WDPCP: variants seen among roughly 807,000 people sequenced by gnomAD.
The protein encoded by WDPCP is WD repeat containing planar cell polarity effector.
In WDPCP, 71 loss-of-function variants were observed where a neutral mutation model predicts 93.1. That is an observed-to-expected ratio of 0.76 (90% CI 0.63 to 0.93). WDPCP has a LOEUF of 0.93. WDPCP is among the 40% of genes least tolerant of loss of function. The pLI, the probability that WDPCP is intolerant of heterozygous loss-of-function variation, is 0.00. For missense variants in WDPCP, 844 were observed against 887.4 expected (o/e 0.95, Z 0.62); for synonymous variants, 315 against 315.0 (o/e 1.00, Z 0.00).
intron 12 of WDPCP, among the ~76,000 whole-genome samples, chr2:63,332,384 T>A (rs562239071): frequency 2.6e-5 from 4 of 152,190 alleles, no homozygotes; most frequent in Non-Finnish European, 5.9e-5. Context: ...TATATCCACA[T>A]CCTCCCCAGC....
chr2:63,598,538 C>CA (rs1369562277), intron 3 of WDPCP, among the ~76,000 whole-genome samples: 10 of 151,954 alleles, frequency 6.6e-5, no homozygotes, highest in Non-Finnish European at 1.5e-4. Context: ...TCCTATCTTT[C>CA]AAAAAAAGGT....
intron 14 of WDPCP, among the ~76,000 whole-genome samples, chr2:63,186,018 C>G (rs959937814): frequency 3.3e-5 from 5 of 152,080 alleles, no homozygotes; most frequent in Non-Finnish European, 7.4e-5. Context: ...AGGGTAGAAA[C>G]ACTGCTGCTG....
intron 9 of WDPCP, among the ~76,000 whole-genome samples, chr2:63,421,130 A>T (rs1415624914): frequency 6.6e-6 from 1 of 152,192 alleles, no homozygotes; most frequent in Non-Finnish European, 1.5e-5. Context: ...AAATAGTAGC[A>T]ATTGTTTTCA....
intron 3 of WDPCP, chr2:63,622,099 A>G: frequency 1.1e-6 from 1 of 870,880 alleles, no homozygotes; most frequent in Non-Finnish European, 1.4e-6. Context: ...GTTGATTTTT[A>G]ATGATAAAGT....
At chr2:63,722,856 G>T (rs1158428347) in intron 2 of WDPCP, among the ~76,000 whole-genome samples, 1 of 152,036 alleles carries the variant, frequency 6.6e-6, no homozygotes, top group Non-Finnish European at 1.5e-5. Context: ...GAGAAAGGTG[G>T]GGAAAAGATT....
chr2:63,274,509 T>C (rs1211683221), intron 13 of WDPCP, among the ~76,000 whole-genome samples: 1 of 151,814 alleles, frequency 6.6e-6, no homozygotes, highest in Admixed American at 6.6e-5. Context: ...TAGAGACTAA[T>C]AAATAACACA....
At chr2:63,496,712 C>G (rs1480338686) in intron 1 of WDPCP, among the ~76,000 whole-genome samples, 1 of 152,174 alleles carries the variant, frequency 6.6e-6, no homozygotes, top group East Asian at 1.9e-4. Context: ...AACAACACTG[C>G]TCTAGTTTCC....
chr2:63,350,760 G>A (rs1312765001), intron 12 of WDPCP, among the ~76,000 whole-genome samples: 1 of 151,864 alleles, frequency 6.6e-6, no homozygotes, highest in Non-Finnish European at 1.5e-5. Flanking sequence ...ATGTCTACTG[G>A]CAATTTGCAA....
intron 1 of WDPCP, among the ~76,000 whole-genome samples, chr2:63,564,936 C>A (rs937834741): frequency 6.6e-6 from 1 of 152,082 alleles, no homozygotes; most frequent in African/African-American, 2.4e-5. Context: ...TGCCACCATA[C>A]CTGGCTAATT....
rs370410017 is a variant in WDPCP at position 63,259,386 on chromosome 2, A to T, written c.1836T>A (p.Asp612Glu). The T allele has an allele frequency of 1.2e-6, 2 of 1,611,880 alleles. No individual in the cohort carries two copies. The highest frequency in any genetic ancestry group is 1.3e-5 in the African/African-American group (1 of 74,874). The change falls in exon 14 of 18, where the codon GAT becomes GAA. Residue 612 changes from aspartate to glutamate, a missense_variant. Coordinates refer to ENST00000272321, the MANE Select transcript of WDPCP (RefSeq NM_015910.7). ...CTTCAGCTAGTGCCAATTCACCTTTATCTAGTGCAAGGTAATGAATATCCT... is the reference window on the plus strand; with the variant it reads ...CTTCAGCTAGTGCCAATTCACCTTTTTCTAGTGCAAGGTAATGAATATCCT... ...LFMDIHYLAL[D>E]KGELALAEVA...
chr2:63,550,357 A>G (rs1705513296), intron 1 of WDPCP, among the ~76,000 whole-genome samples: 5 of 152,178 alleles, frequency 3.3e-5, no homozygotes, highest in Admixed American at 3.3e-4. Flanking sequence ...CCACAAAAGG[A>G]AACTGCTTTC....
chr2:63,395,428 T>C (rs1693634978), intron 10 of WDPCP, among the ~76,000 whole-genome samples: 1 of 152,196 alleles, frequency 6.6e-6, no homozygotes, highest in South Asian at 2.1e-4. Context: ...TACGCCACTC[T>C]GTATGTCCAC....
chr2:63,614,302 T>A (rs1709649830), intron 3 of WDPCP, among the ~76,000 whole-genome samples: 1 of 152,208 alleles, frequency 6.6e-6, no homozygotes, highest in South Asian at 2.1e-4. Flanking sequence ...TAAATTTGTA[T>A]GCCTTTTTCT....
At chr2:63,305,344 C>T (rs1685647271) in intron 13 of WDPCP, among the ~76,000 whole-genome samples, 1 of 152,098 alleles carries the variant, frequency 6.6e-6, no homozygotes, top group Middle Eastern at 3.2e-3. Flanking sequence ...TACAAGAGAG[C>T]TCCTGCTGGC....
chr2:63,258,953 C>A (rs1247337183), intron 14 of WDPCP, among the ~76,000 whole-genome samples: 1 of 152,098 alleles, frequency 6.6e-6, no homozygotes. Context: ...TGAGAAATGA[C>A]ATGTCTGTGT....
chr2:63,791,800 A>G (rs1197033574), intron 2 of WDPCP, among the ~76,000 whole-genome samples: 1 of 152,178 alleles, frequency 6.6e-6, no homozygotes, highest in Non-Finnish European at 1.5e-5. Context: ...ACTTAATTTT[A>G]GATAAATTAC....
chr2:63,540,916 G>C (rs1324128370), intron 1 of WDPCP, among the ~76,000 whole-genome samples: 2 of 150,788 alleles, frequency 1.3e-5, no homozygotes, highest in Non-Finnish European at 3.0e-5. Context: ...GCTAATTTTT[G>C]TGTTTTTCTG....
At chr2:63,601,588 C>T (rs1226357906) in intron 3 of WDPCP, among the ~76,000 whole-genome samples, 2 of 152,196 alleles carry the variant, frequency 1.3e-5, no homozygotes, top group Admixed American at 1.3e-4. Context: ...CTAATTGTGA[C>T]ATGAATCATA....
At chr2:63,281,306 G>A (rs1683523457) in intron 13 of WDPCP, among the ~76,000 whole-genome samples, 1 of 152,132 alleles carries the variant, frequency 6.6e-6, no homozygotes, top group African/African-American at 2.4e-5. Flanking sequence ...TGCAAGAATG[G>A]CCATAATAAA....
Sources: allele counts gnomAD v4.1 joint callset (sites outside exome capture counted in the v4.1 genomes callset), GRCh38; gene constraint gnomAD v4.1.1; transcripts MANE v1.5; gene names NCBI Gene and HGNC (gene_info 2026-07-23, HGNC 2026-07-21).